Variants in SHISAL1 observed in about 807,000 individuals in gnomAD.
The protein encoded by SHISAL1 is shisa like 1, also known as protein shisa-like-1.
Under a neutral mutation model 22.6 loss-of-function variants are expected in SHISAL1, and 9 were observed. The ratio of observed to expected loss-of-function variants is 0.40; its 90% confidence interval spans 0.24 to 0.70. The LOEUF (loss-of-function observed/expected upper bound fraction) is 0.70. SHISAL1 is among the 30% of genes least tolerant of loss of function. SHISAL1 has a pLI of 0.39. For missense variants in SHISAL1, 246 were observed against 270.6 expected, an observed-to-expected ratio of 0.91 and a Z score of 0.64; for synonymous variants, 119 against 115.4, an observed-to-expected ratio of 1.03 and a Z score of -0.20.
At position 44,275,417 on chromosome 22, in the gene SHISAL1, G is replaced by A. The variant is rs940169824; in HGVS notation, c.599+10011C>T. Among the ~76,000 whole-genome samples the A allele has an allele frequency of 4.6e-5, 7 of 152,182 alleles. No individual in the cohort carries two copies. The East Asian group carries it at 9.6e-4, about 21-fold the overall frequency. On this transcript the variant is annotated intron_variant, in intron 4 of 4. Transcript: ENST00000381176. ...CGGATCAGAAGCGAGGCTGAGTTTC[G>A]GGAAGCTCCTGGGCCCAGACCAGAG...
the SHISAL1 span, among the ~76,000 whole-genome samples, chr22:44,327,234 GGGCGCGCA>G: frequency 1.0e-5 from 1 of 97,342 alleles, no homozygotes; most frequent in Non-Finnish European, 2.4e-5. Context: ...GGAGAGTGGG[GGGCGCGCA>G]CACACACACA....
intron 4 of SHISAL1, among the ~76,000 whole-genome samples, chr22:44,276,555 T>C (rs1265816512): frequency 6.8e-6 from 1 of 146,720 alleles, no homozygotes. Context: ...CTGATCTCAG[T>C]GGAGGGGTGG....
upstream of SHISAL1, among the ~76,000 whole-genome samples, chr22:44,317,219 T>C (rs1487824798): frequency 2.0e-5 from 3 of 152,144 alleles, no homozygotes; most frequent in Non-Finnish European, 4.4e-5. Flanking sequence ...CGGGTGCGAT[T>C]CAGCTCCGAG....
intron 3 of SHISAL1, among the ~76,000 whole-genome samples, chr22:44,289,085 G>A (rs1026753347): frequency 1.3e-5 from 2 of 152,204 alleles, no homozygotes; most frequent in South Asian, 2.1e-4. Context: ...TGTCTTGTGC[G>A]CCAGCAGCTA....
chr22:44,331,362 C>T, the SHISAL1 span, among the ~76,000 whole-genome samples: 7 of 151,414 alleles, frequency 4.6e-5, no homozygotes, highest in African/African-American at 1.7e-4. This position sits in a 1 kb window ranked among gnomAD's most constrained non-coding sequence, Gnocchi z 5.2. Context: ...GCAGACCCCG[C>T]CCCCCACTCG....
At chr22:44,282,288 G>A (rs2055282026) in intron 4 of SHISAL1, among the ~76,000 whole-genome samples, 1 of 152,242 alleles carries the variant, frequency 6.6e-6, no homozygotes, top group Non-Finnish European at 1.5e-5. Context: ...CAGCCAGGGT[G>A]GGAGCCAGGG....
Position 44,249,502 on chromosome 22 carries a change from T to G in SHISAL1, c.*183A>C. 4.7e-5 allele frequency: 17 copies of G among 365,544 alleles called. No homozygotes were observed. Among genetic ancestry groups the G allele is most frequent in the East Asian group, 6.3e-5 (1 of 15,760 alleles). 22.6% of individuals were successfully genotyped at this position (365,544 alleles called of 1,614,324 possible). A position where few individuals can be genotyped will look rare whatever the true frequency, so the allele number is the denominator to read the frequency against. ...CCCCTGCACCCCCAGCCCCTACCCCTGAGTTTGCTCCTAATCTTAGAAGTC... is the reference window on the plus strand; with the variant it reads ...CCCCTGCACCCCCAGCCCCTACCCCGGAGTTTGCTCCTAATCTTAGAAGTC... On this transcript the variant is annotated 3_prime_UTR_variant, in exon 5 of 5. Coordinates refer to ENST00000381176, the MANE Select transcript of SHISAL1 (RefSeq NM_001099294.2).
intron 4 of SHISAL1, among the ~76,000 whole-genome samples, chr22:44,261,311 C>G (rs1181324451): frequency 1.3e-5 from 2 of 151,934 alleles, no homozygotes. Flanking sequence ...CTTCACACTA[C>G]TGGGAATACC....
chr22:44,256,766 T>G (rs563921493), intron 4 of SHISAL1, among the ~76,000 whole-genome samples: 1 of 152,198 alleles, frequency 6.6e-6, no homozygotes, highest in Non-Finnish European at 1.5e-5. Context: ...TACACTCAAT[T>G]AAGATGAACT....
At chr22:44,297,751 C>T (rs558716668) in intron 2 of SHISAL1, among the ~76,000 whole-genome samples, 17 of 152,380 alleles carry the variant, frequency 1.1e-4, no homozygotes, top group African/African-American at 3.4e-4. Context: ...ACCTAAAGCC[C>T]GCTCTCTCAG....
At chr22:44,316,390 T>C (rs1240865569), upstream of SHISAL1, among the ~76,000 whole-genome samples, 1 of 113,000 alleles carries the variant, frequency 8.8e-6, no homozygotes, top group East Asian at 2.9e-4. Flanking sequence ...CACAGACCTG[T>C]TGGATCAGAA....
At chr22:44,289,095 A>G (rs1281224941) in intron 3 of SHISAL1, among the ~76,000 whole-genome samples, 1 of 152,210 alleles carries the variant, frequency 6.6e-6, no homozygotes, top group African/African-American at 2.4e-5. Context: ...GCCAGCAGCT[A>G]ATAAAAACAC....
chr22:44,306,533 C>G (rs12163231), intron 1 of SHISAL1, among the ~76,000 whole-genome samples: 18,552 of 48,118 alleles, frequency 0.39, 3,645 homozygotes, highest in African/African-American at 0.47. Context: ...TCGGGGAGCT[C>G]TGATGACGAT....
intron 4 of SHISAL1, among the ~76,000 whole-genome samples, chr22:44,258,273 C>T (rs971649966): frequency 6.6e-6 from 1 of 152,066 alleles, no homozygotes; most frequent in African/African-American, 2.4e-5. Flanking sequence ...CACCACTGCA[C>T]TCCAGCCTGG....
upstream of SHISAL1, among the ~76,000 whole-genome samples, chr22:44,314,433 C>A (rs1052313078): frequency 2.0e-5 from 3 of 152,156 alleles, no homozygotes; most frequent in African/African-American, 7.2e-5. Context: ...CAAAGCAGAC[C>A]TCCTGTGCAC....
chr22:44,249,792 G>T (rs1028759596), intron 4 of SHISAL1, 107 bp from the exon 5 acceptor site: 1 of 742,176 alleles, frequency 1.3e-6, no homozygotes, highest in Non-Finnish European at 2.5e-6. Flanking sequence ...GAGCATGTGG[G>T]TTTTGTCTTC....
At chr22:44,303,469 G>A (rs1031012739) in intron 1 of SHISAL1, among the ~76,000 whole-genome samples, 3 of 152,096 alleles carry the variant, frequency 2.0e-5, no homozygotes, top group South Asian at 2.1e-4. Context: ...AACACTATGG[G>A]AAGATGGAGG....
At chr22:44,324,887 T>C in the SHISAL1 span, among the ~76,000 whole-genome samples, 1 of 152,200 alleles carries the variant, frequency 6.6e-6, no homozygotes, top group Non-Finnish European at 1.5e-5. Context: ...TGCACCCAGC[T>C]GATGCTACAC....
chr22:44,318,185 T>C, the SHISAL1 span, among the ~76,000 whole-genome samples: 1 of 152,260 alleles, frequency 6.6e-6, no homozygotes, highest in Admixed American at 6.5e-5. Flanking sequence ...GCACCAGGCT[T>C]CAAGAGAAGG....
Sources: gnomAD v4.1 joint callset for allele counts (sites outside exome capture counted in the v4.1 genomes callset) on GRCh38, gnomAD v4.1.1 for gene constraint, Gnocchi (gnomAD v3.1) non-coding constraint, MANE v1.5 for transcripts, NCBI Gene and HGNC (gene_info 2026-07-23, HGNC 2026-07-21) for gene names.